Variants in SENP2 observed in about 807,000 individuals in gnomAD.
SENP2 encodes sentrin-specific protease 2.
A neutral mutation model predicts 86.3 loss-of-function variants in SENP2; 16 were observed. That is an observed-to-expected ratio of 0.19 (90% CI 0.13 to 0.28). SENP2 has a LOEUF of 0.28. SENP2 is among the 10% of genes least tolerant of loss of function. SENP2 has a pLI of 1.00. For missense variants in SENP2, 552 were observed against 703.0 expected, an observed-to-expected ratio of 0.79 and a Z score of 2.43; for synonymous variants, 222 against 238.7, an observed-to-expected ratio of 0.93 and a Z score of 0.64.
At chr3:185,599,123 G>A in intron 4 of SENP2, 99 bp downstream of exon 4, 5 of 810,198 alleles carry the variant, frequency 6.2e-6, no homozygotes, top group Non-Finnish European at 1.0e-5. Context: ...ATTTGAATTG[G>A]GATGAGAAAG....
rs772769209 is a variant in SENP2 at position 185,606,158 on chromosome 3, C to T, written c.450-172C>T. 7.2e-5 allele frequency among the ~76,000 whole-genome samples: 11 copies of T among 152,060 alleles called. 1 individual carries two copies. Among genetic ancestry groups the T allele is most frequent in the Admixed American group, 1.3e-4 (2 of 15,272 alleles). On this transcript the variant is annotated intron_variant, in intron 5 of 16. Coordinates refer to ENST00000296257, the MANE Select transcript of SENP2 (RefSeq NM_021627.3). ...ACAGACATTCCATAGTGGAATGCTGCGGTGCCCTGTGCTCTAGGGATAGAT... is the reference window on the plus strand; with the variant it reads ...ACAGACATTCCATAGTGGAATGCTGTGGTGCCCTGTGCTCTAGGGATAGAT...
intron 7 of SENP2, among the ~76,000 whole-genome samples, chr3:185,610,056 C>A (rs1242064624): frequency 6.6e-6 from 1 of 151,262 alleles, no homozygotes; most frequent in Non-Finnish European, 1.5e-5. Context: ...GATTGAGGTA[C>A]ACTAGGTAAT....
intron 16 of SENP2, among the ~76,000 whole-genome samples, chr3:185,628,785 C>T (rs1403618645): frequency 2.0e-5 from 3 of 152,170 alleles, no homozygotes; most frequent in South Asian, 2.1e-4. Context: ...GGATTACAGG[C>T]GTGAGCCACC....
At chr3:185,624,854 C>G (rs1486877360) in intron 15 of SENP2, among the ~76,000 whole-genome samples, 2 of 142,500 alleles carry the variant, frequency 1.4e-5, no homozygotes, top group Middle Eastern at 3.9e-3. Flanking sequence ...GGCAACAGAG[C>G]GAGACTGTCT....
At chr3:185,602,993 A>G (rs1722397648) in intron 5 of SENP2, among the ~76,000 whole-genome samples, 1 of 145,462 alleles carries the variant, frequency 6.9e-6, no homozygotes, top group Non-Finnish European at 1.5e-5. Context: ...GCTCACTGCA[A>G]CCTCTGCCTC....
chr3:185,616,792 G>A (rs1169976712), intron 11 of SENP2, among the ~76,000 whole-genome samples: 2 of 136,466 alleles, frequency 1.5e-5, no homozygotes, highest in African/African-American at 5.5e-5. Flanking sequence ...AAAAAAAAAC[G>A]TTTAAAGTGG....
intron 6 of SENP2, 167 bp downstream of exon 6, chr3:185,606,665 T>A: frequency 1.6e-6 from 1 of 612,364 alleles, no homozygotes; most frequent in South Asian, 2.4e-5. Flanking sequence ...GCACCAAAAA[T>A]CTGCATGCAG....
intron 13 of SENP2, among the ~76,000 whole-genome samples, chr3:185,621,368 A>T: frequency 7.1e-6 from 1 of 140,300 alleles, no homozygotes. Context: ...ATAAGTGGAT[A>T]TCGTTTTTCT....
At chr3:185,612,552 CTA>C in intron 8 of SENP2, 53 bp from the exon 9 acceptor site, 1 of 1,258,572 alleles carries the variant, frequency 7.9e-7, no homozygotes, top group East Asian at 2.3e-5. Context: ...GAAATTCTAA[CTA>C]TATTATTCAT....
chr3:185,612,637 G>T lies in SENP2; in HGVS notation c.848G>T (p.Cys283Phe), dbSNP rs1577733577. 5.6e-6 allele frequency: 9 copies of T among 1,609,290 alleles called. No individual in the cohort carries two copies. The East Asian group carries it at 2.0e-4, about 36-fold the overall frequency. Residue 283 changes from cysteine (C) to phenylalanine (F), a missense_variant, in exon 9 of 17, where the codon TGT becomes TTT. Transcript: ENST00000296257. ...CTTGTTGAAACAAGGGGACCTCTATGTTCATTGAGAAGTGAAAAGAGGTAC... is the reference window on the plus strand; with the variant it reads ...CTTGTTGAAACAAGGGGACCTCTATTTTCATTGAGAAGTGAAAAGAGGTAC... ...YRLVETRGPL[C>F]SLRSEKRCSK...
chr3:185,610,154 CTTTTTT>C (rs557832407), intron 7 of SENP2, among the ~76,000 whole-genome samples: 33,699 of 114,446 alleles, frequency 0.29, 4,576 homozygotes, highest in African/African-American at 0.39. Context: ...TATTATCTAG[CTTTTTT>C]TTTTTTTTTT....
Position 185,613,289 on chromosome 3 carries a change from G to C in SENP2, c.870-56G>C, listed in dbSNP as rs1376799931. Reference sequence around the variant, plus strand: ...GAAATCTTATTTCTAAAACTAGGATGTACTAGGTTTGAATCATCTAGCAGA... The same window carrying C: ...GAAATCTTATTTCTAAAACTAGGATCTACTAGGTTTGAATCATCTAGCAGA... On this transcript the variant is annotated intron_variant, in intron 9 of 16. Transcript: ENST00000296257. The C allele has an allele frequency of 7.2e-6, 7 of 968,142 alleles. No homozygotes were observed. The East Asian group carries it at 1.7e-4, about 23-fold the overall frequency. The allele number at this position is 968,142 out of a possible 1,614,324, so 60.0% of individuals were successfully genotyped here.
In SENP2 at chr3:185,632,215, TTTTTTTTTG is replaced by T. The variant is rs1405636644; in HGVS notation, c.*2380_*2388del. On this transcript the variant is annotated 3_prime_UTR_variant, in exon 17 of 17. Coordinates refer to ENST00000296257, the MANE Select transcript of SENP2 (RefSeq NM_021627.3). The stretch of plus-strand genomic sequence containing the variant: ...AATTATCACCATTAAAGCCAGTGGT[TTTTTTTTTG>T]TTTTTTTTTTTTGTTTTTTTTTTTT... 3 of 55,712 alleles carry T rather than the reference TTTTTTTTTG, an allele frequency of 5.4e-5. No individual in the cohort carries two copies. Among genetic ancestry groups the T allele is most frequent in the African/African-American group, 1.3e-4 (2 of 15,154 alleles). The allele number at this position is 55,712 out of a possible 1,614,324, so 3.5% of individuals were successfully genotyped here. A position where few individuals can be genotyped will look rare whatever the true frequency, so the allele number is the denominator to read the frequency against.
intron 13 of SENP2, among the ~76,000 whole-genome samples, chr3:185,621,537 G>A (rs1189153388): frequency 8.6e-5 from 13 of 151,586 alleles, no homozygotes; most frequent in East Asian, 3.9e-4. Flanking sequence ...TTACAGGCGC[G>A]TGCCATCATG....
chr3:185,613,136 G>A (rs1285227671), intron 9 of SENP2, among the ~76,000 whole-genome samples: 1 of 152,208 alleles, frequency 6.6e-6, no homozygotes, highest in Admixed American at 6.5e-5. Flanking sequence ...TGGCAGAGTT[G>A]CCACGATGTG....
At chr3:185,620,306 G>A (rs1486366821) in intron 13 of SENP2, among the ~76,000 whole-genome samples, 1 of 152,006 alleles carries the variant, frequency 6.6e-6, no homozygotes, top group Non-Finnish European at 1.5e-5. Context: ...TGAGCTCCTG[G>A]CTTTAAGCAG....
chr3:185,611,593 A>G (rs1722700057), intron 7 of SENP2, 58 bp from the exon 8 acceptor site: 2 of 1,054,362 alleles, frequency 1.9e-6, no homozygotes, highest in Admixed American at 1.8e-5. Context: ...GAGATAATGC[A>G]TATTAATGGT....
intron 7 of SENP2, 137 bp downstream of exon 7, chr3:185,609,487 T>C (rs1722616210): frequency 1.6e-6 from 1 of 610,268 alleles, no homozygotes; most frequent in Non-Finnish European, 2.9e-6. Flanking sequence ...TGCCTGGATA[T>C]TTATCTAGTA....
At chr3:185,599,148 G>A (rs963589089) in intron 4 of SENP2, 124 bp downstream of exon 4, 48 of 668,272 alleles carry the variant, frequency 7.2e-5, no homozygotes, top group African/African-American at 4.8e-4. Flanking sequence ...TCTTTCTACC[G>A]TTCTAAAAAG....
Sources: allele counts gnomAD v4.1 joint callset (sites outside exome capture counted in the v4.1 genomes callset), GRCh38; gene constraint gnomAD v4.1.1; transcripts MANE v1.5; gene names NCBI Gene and HGNC (gene_info 2026-07-23, HGNC 2026-07-21).